PAPPA2: variants seen among roughly 807,000 people sequenced by gnomAD.
The protein encoded by PAPPA2 is pappalysin-2.
A neutral mutation model predicts 176.4 loss-of-function variants in PAPPA2; 86 were observed. That is an observed-to-expected ratio of 0.49 (90% CI 0.41 to 0.58). The LOEUF (loss-of-function observed/expected upper bound fraction) is 0.58, where lower values mean the gene tolerates loss of function less well. PAPPA2 is among the 20% of genes least tolerant of loss of function. PAPPA2 has a pLI of 0.00. For synonymous variants in PAPPA2, 809 were observed against 852.2 expected (o/e 0.95, Z 0.88); for missense variants, 2,073 against 2,256.9 (o/e 0.92, Z 1.65).
At chr1:176,506,549 C>G (rs895622422) in intron 1 of PAPPA2, among the ~76,000 whole-genome samples, 1 of 151,912 alleles carries the variant, frequency 6.6e-6, no homozygotes, top group Non-Finnish European at 1.5e-5. Flanking sequence ...TTGTAGTTTT[C>G]CTTGTAGAGA....
intron 2 of PAPPA2, among the ~76,000 whole-genome samples, chr1:176,581,324 C>T (rs1319236517): frequency 1.3e-5 from 2 of 152,066 alleles, no homozygotes; most frequent in African/African-American, 2.4e-5. Context: ...GTCTATTTGC[C>T]TATTTTTATG....
intron 14 of PAPPA2, among the ~76,000 whole-genome samples, chr1:176,761,843 G>A (rs1258328026): frequency 6.6e-6 from 1 of 152,210 alleles, no homozygotes. Flanking sequence ...ACTTCTCTGG[G>A]GCATTGTAAG....
At chr1:176,614,227 A>G (rs1209690231) in intron 3 of PAPPA2, among the ~76,000 whole-genome samples, 1 of 152,170 alleles carries the variant, frequency 6.6e-6, no homozygotes, top group Non-Finnish European at 1.5e-5. Flanking sequence ...CTTTTCTTTA[A>G]TTGGAACTTG....
At chr1:176,775,137 A>T (rs1664400711) in intron 17 of PAPPA2, among the ~76,000 whole-genome samples, 1 of 152,186 alleles carries the variant, frequency 6.6e-6, no homozygotes, top group Non-Finnish European at 1.5e-5. Context: ...TGATGATATC[A>T]CTTATCTCAC....
intron 1 of PAPPA2, among the ~76,000 whole-genome samples, chr1:176,544,062 A>G (rs1650498869): frequency 6.6e-6 from 1 of 152,212 alleles, no homozygotes; most frequent in African/African-American, 2.4e-5. Flanking sequence ...GTGTTAGATC[A>G]GAGGGCATTT....
In PAPPA2 at chr1:176,463,310, A is replaced by T. The variant is rs1307455944; in HGVS notation, c.-1025A>T. The T allele has an allele frequency of 1.3e-5, 2 of 152,220 alleles. No individual in the cohort carries two copies. The highest frequency in any genetic ancestry group is 4.8e-5 in the African/African-American group (2 of 41,462). The allele number at this position is 152,220 out of a possible 1,614,324, so 9.4% of individuals were successfully genotyped here. On this transcript the variant is annotated 5_prime_UTR_variant, in exon 1 of 23. Coordinates refer to ENST00000367662, the MANE Select transcript of PAPPA2 (RefSeq NM_020318.3). ...TCTCACAACAGTGTCAAGAGCCTGGACGCCAGCCAGGATTGAGGTCCTACG... is the reference window on the plus strand; with the variant it reads ...TCTCACAACAGTGTCAAGAGCCTGGTCGCCAGCCAGGATTGAGGTCCTACG...
chr1:176,787,012 C>A (rs1265065017), intron 17 of PAPPA2, among the ~76,000 whole-genome samples: 1 of 151,984 alleles, frequency 6.6e-6, no homozygotes, highest in East Asian at 1.9e-4. Context: ...AATCTGTACA[C>A]CAAACCACTG....
intron 7 of PAPPA2, among the ~76,000 whole-genome samples, chr1:176,698,712 C>T (rs915890004): frequency 1.3e-5 from 2 of 152,180 alleles, no homozygotes; most frequent in African/African-American, 2.4e-5. Flanking sequence ...AGAGTGAAAT[C>T]ACTGGTCTTC....
At chr1:176,646,924 C>A (rs1032436965) in intron 3 of PAPPA2, among the ~76,000 whole-genome samples, 2 of 151,488 alleles carry the variant, frequency 1.3e-5, no homozygotes, top group African/African-American at 4.8e-5. Flanking sequence ...TGAATATATA[C>A]CTAGCAGTGA....
intron 1 of PAPPA2, among the ~76,000 whole-genome samples, chr1:176,465,605 T>A (rs1651582308): frequency 6.6e-6 from 1 of 152,058 alleles, no homozygotes; most frequent in Non-Finnish European, 1.5e-5. Context: ...TCTTTTCTAC[T>A]GTAACCTCAT....
At chr1:176,499,244 T>C (rs1438556077) in intron 1 of PAPPA2, among the ~76,000 whole-genome samples, 1 of 152,224 alleles carries the variant, frequency 6.6e-6, no homozygotes, top group Non-Finnish European at 1.5e-5. Flanking sequence ...ACTTCAACTA[T>C]GTCTTCTTAA....
chr1:176,765,633 A>G (rs779813793), intron 14 of PAPPA2, 33 bp from the exon 15 acceptor site: 2 of 1,598,736 alleles, frequency 1.3e-6, no homozygotes, highest in Non-Finnish European at 1.7e-6. Flanking sequence ...GTTCTCAACC[A>G]GTCCTAAGAT....
intron 3 of PAPPA2, among the ~76,000 whole-genome samples, chr1:176,651,741 G>A (rs1657738322): frequency 6.6e-6 from 1 of 151,118 alleles, no homozygotes; most frequent in South Asian, 2.1e-4. Flanking sequence ...CCTTGCTCTT[G>A]CACAACTTGT....
At chr1:176,826,954 TAGATA>T (rs1666883906) in intron 21 of PAPPA2, among the ~76,000 whole-genome samples, 1 of 152,238 alleles carries the variant, frequency 6.6e-6, no homozygotes, top group African/African-American at 2.4e-5. Flanking sequence ...GGATACCTTC[TAGATA>T]GATTTTCAGT....
At chr1:176,666,967 C>T (rs981121619) in intron 3 of PAPPA2, among the ~76,000 whole-genome samples, 9 of 152,130 alleles carry the variant, frequency 5.9e-5, no homozygotes, top group Non-Finnish European at 1.3e-4. Flanking sequence ...CTGTGTTGGC[C>T]GGGTACCGTG....
chr1:176,711,017 A>G (rs1661118685), intron 11 of PAPPA2, among the ~76,000 whole-genome samples: 1 of 152,164 alleles, frequency 6.6e-6, no homozygotes, highest in Non-Finnish European at 1.5e-5. Context: ...AAATAGGTGC[A>G]TGCCAGCTGA....
intron 3 of PAPPA2, among the ~76,000 whole-genome samples, chr1:176,606,671 A>C (rs948832089): frequency 6.6e-6 from 1 of 151,976 alleles, no homozygotes; most frequent in Admixed American, 6.6e-5. Context: ...CACCATATTG[A>C]CCAGGCTGGT....
At chr1:176,476,785 T>G (rs574792300) in intron 1 of PAPPA2, among the ~76,000 whole-genome samples, 2 of 152,368 alleles carry the variant, frequency 1.3e-5, no homozygotes, top group South Asian at 2.1e-4. Context: ...TTAGAGGTTA[T>G]GATTCTGTAT....
At chr1:176,551,015 C>T (rs1650916976) in intron 1 of PAPPA2, among the ~76,000 whole-genome samples, 1 of 152,272 alleles carries the variant, frequency 6.6e-6, no homozygotes, top group South Asian at 2.1e-4. Context: ...AAAAGCTGGG[C>T]AGAGATTTAG....
Sources: allele counts gnomAD v4.1 joint callset (sites outside exome capture counted in the v4.1 genomes callset), GRCh38; gene constraint gnomAD v4.1.1; transcripts MANE v1.5; gene names NCBI Gene and HGNC (gene_info 2026-07-23, HGNC 2026-07-21).